The following PTPRJ variants were observed in gnomAD, a reference collection of about 807,000 sequenced individuals.
The protein encoded by PTPRJ is protein tyrosine phosphatase receptor type J.
A neutral mutation model predicts 141.3 loss-of-function variants in PTPRJ; 129 were observed. The ratio of observed to expected loss-of-function variants is 0.91; its 90% confidence interval spans 0.79 to 1.06. PTPRJ has a LOEUF of 1.06. PTPRJ is among the 50% of genes least tolerant of loss of function. The probability of loss-of-function intolerance (pLI) is 0.00; values close to 1 mark genes in which losing one functional copy is unlikely to be tolerated. For synonymous variants in PTPRJ, 610 were observed against 640.5 expected, an observed-to-expected ratio of 0.95 and a Z score of 0.72; for missense variants, 1,601 against 1,679.7, an observed-to-expected ratio of 0.95 and a Z score of 0.82.
In PTPRJ at chr11:47,980,732, C is replaced by T. The variant is rs932572397; in HGVS notation, c.-181C>T. 6 of 1,004,108 alleles carry T rather than the reference C, an allele frequency of 6.0e-6. No homozygotes were observed. Among genetic ancestry groups the T allele is most frequent in the African/African-American group, 1.8e-5 (1 of 57,088 alleles). The allele number at this position is 1,004,108 out of a possible 1,614,324, so 62.2% of individuals were successfully genotyped here. ...CTAGGCTCCGGCGTGTGGCCGCGGC[C>T]GCCGCCGCCGCTGCCATGTCTCCGG... On this transcript the variant is annotated 5_prime_UTR_variant, in exon 1 of 25. Coordinates refer to ENST00000418331, the MANE Select transcript of PTPRJ (RefSeq NM_002843.4).
chr11:48,013,167 T>G (rs1854854678), intron 1 of PTPRJ, among the ~76,000 whole-genome samples: 1 of 150,174 alleles, frequency 6.7e-6, no homozygotes, highest in South Asian at 2.1e-4. Flanking sequence ...GAGGGTAACA[T>G]GAGGGTAACA....
intron 1 of PTPRJ, among the ~76,000 whole-genome samples, chr11:48,079,968 A>G (rs894113464): frequency 6.6e-6 from 1 of 152,182 alleles, no homozygotes; most frequent in Non-Finnish European, 1.5e-5. Flanking sequence ...ATCCCCCATC[A>G]GAGAAGAGGC....
chr11:48,082,796 A>G (rs1855599564), intron 1 of PTPRJ, among the ~76,000 whole-genome samples: 1 of 152,112 alleles, frequency 6.6e-6, no homozygotes, highest in African/African-American at 2.4e-5. Context: ...GTATTACATA[A>G]TAGGGGTGAC....
At chr11:48,143,780 C>G (rs1376338163) in intron 12 of PTPRJ, among the ~76,000 whole-genome samples, 1 of 128,738 alleles carries the variant, frequency 7.8e-6, no homozygotes. Flanking sequence ...CCCTCCTCCC[C>G]CTCCCCTCCT....
At chr11:48,135,583 G>A (rs954331315) in intron 8 of PTPRJ, among the ~76,000 whole-genome samples, 1 of 146,466 alleles carries the variant, frequency 6.8e-6, no homozygotes, top group East Asian at 2.1e-4. Flanking sequence ...CTGGGTTCAA[G>A]CGACTCTTGT....
intron 1 of PTPRJ, among the ~76,000 whole-genome samples, chr11:48,003,694 T>G (rs182011949): frequency 6.6e-6 from 1 of 152,110 alleles, no homozygotes; most frequent in Non-Finnish European, 1.5e-5. Context: ...TGGGGTTTCA[T>G]CATGATGGCC....
intron 16 of PTPRJ, 119 bp downstream of exon 16, chr11:48,149,607 A>C: frequency 1.4e-6 from 1 of 710,560 alleles, no homozygotes; most frequent in Non-Finnish European, 2.3e-6. Flanking sequence ...TTTGACCATG[A>C]CCATCTGGAA....
intron 1 of PTPRJ, among the ~76,000 whole-genome samples, chr11:48,021,836 C>G (rs528726091): frequency 3.3e-5 from 5 of 152,204 alleles, no homozygotes; most frequent in African/African-American, 1.2e-4. Context: ...AAGGGAAACT[C>G]TGGATGATAT....
intron 1 of PTPRJ, among the ~76,000 whole-genome samples, chr11:48,066,278 C>T (rs1855079253): frequency 6.6e-6 from 1 of 152,230 alleles, no homozygotes; most frequent in Non-Finnish European, 1.5e-5. Flanking sequence ...TGAAGTAACT[C>T]TTCAGGGATG....
chr11:48,032,860 C>T (rs1854019758), intron 1 of PTPRJ, among the ~76,000 whole-genome samples: 1 of 152,096 alleles, frequency 6.6e-6, no homozygotes, highest in Non-Finnish European at 1.5e-5. Context: ...GGGGATATGC[C>T]CCAAACAGAC....
At chr11:48,126,819 CAGAT>C (rs1157884196) in intron 6 of PTPRJ, among the ~76,000 whole-genome samples, 10 of 123,284 alleles carry the variant, frequency 8.1e-5, no homozygotes, top group East Asian at 5.1e-4. Context: ...CACACACACA[CAGAT>C]AAACACACAT....
chr11:48,047,404 C>T (rs576799000), intron 1 of PTPRJ, among the ~76,000 whole-genome samples: 2 of 152,234 alleles, frequency 1.3e-5, no homozygotes, highest in African/African-American at 4.8e-5. Context: ...GAGTGAGGGT[C>T]TCTGCCTGCT....
intron 1 of PTPRJ, among the ~76,000 whole-genome samples, chr11:48,006,273 C>T (rs1256010529): frequency 6.6e-6 from 1 of 151,146 alleles, no homozygotes; most frequent in East Asian, 1.9e-4. Flanking sequence ...AAGGGTGATT[C>T]GGGAGGAAGA....
chr11:48,150,059 T>G, intron 17 of PTPRJ, 37 bp from the exon 18 acceptor site: 1 of 1,573,454 alleles, frequency 6.4e-7, no homozygotes, highest in Non-Finnish European at 8.7e-7. Context: ...TGGACTTCAC[T>G]GAATGTAAAA....
intron 1 of PTPRJ, among the ~76,000 whole-genome samples, chr11:48,101,292 C>A (rs1856142382): frequency 6.6e-6 from 1 of 152,148 alleles, no homozygotes; most frequent in South Asian, 2.1e-4. Flanking sequence ...ACTTCAAGTC[C>A]CGCAGCTTCT....
At chr11:48,073,086 G>A (rs972228819) in intron 1 of PTPRJ, among the ~76,000 whole-genome samples, 5 of 152,174 alleles carry the variant, frequency 3.3e-5, no homozygotes, top group African/African-American at 1.2e-4. Context: ...ACAGTCTTAC[G>A]ATGGGGGTGG....
Position 48,041,347 on chromosome 11 carries a change from C to T in PTPRJ, c.96+60339C>T, listed in dbSNP as rs548122031. Reference sequence around the variant, plus strand: ...CCGGGTTTGACTAATAACTCTCATACACACTGCTACTCATTGAAGGCCTAC... The same window carrying T: ...CCGGGTTTGACTAATAACTCTCATATACACTGCTACTCATTGAAGGCCTAC... On this transcript the variant is annotated intron_variant, in intron 1 of 24. Transcript: ENST00000418331. 2.2e-4 allele frequency among the ~76,000 whole-genome samples: 34 copies of T among 152,338 alleles called. 1 individual carries two copies. The South Asian group carries it at 3.3e-3, about 15-fold the overall frequency.
intron 1 of PTPRJ, among the ~76,000 whole-genome samples, chr11:48,000,105 T>C (rs1057358886): frequency 2.2e-4 from 33 of 151,180 alleles, no homozygotes; most frequent in Admixed American, 4.0e-4. Flanking sequence ...CTGATCTGCC[T>C]GCCTTGGCCT....
rs1857840565 is a variant in PTPRJ at position 48,163,605 on chromosome 11, C to G, written c.3706C>G (p.Leu1236Val). Residue 1236 changes from leucine (L) to valine (V), a missense_variant, in exon 23 of 25, where the codon CTG becomes GTG. Leu to Val is a conservative substitution (Grantham distance 32, BLOSUM62 1). Coordinates refer to ENST00000418331, the MANE Select transcript of PTPRJ (RefSeq NM_002843.4). ...MKQSPPESPI[L>V]VHCSAGVGRT... ...GCAGAGTCCTCCCGAATCGCCGATT[C>G]TGGTGCATTGCAGGTACGCAGATGG... 1 of 1,613,484 alleles carries G rather than the reference C, an allele frequency of 6.2e-7. No homozygotes were observed. Among genetic ancestry groups the G allele is most frequent in the Non-Finnish European group, 8.5e-7 (1 of 1,179,490 alleles).
Sources: gnomAD v4.1 joint callset for allele counts (sites outside exome capture counted in the v4.1 genomes callset) on GRCh38, gnomAD v4.1.1 for gene constraint, MANE v1.5 for transcripts, NCBI Gene and HGNC (gene_info 2026-07-23, HGNC 2026-07-21) for gene names.